Variants in NPRL3 observed in about 807,000 individuals in gnomAD.
NPRL3 encodes the protein NPR3 like, GATOR1 complex subunit.
Under a neutral mutation model 57.2 loss-of-function variants are expected in NPRL3, and 23 were observed. That is an observed-to-expected ratio of 0.40 (90% CI 0.29 to 0.57). The LOEUF (loss-of-function observed/expected upper bound fraction) is 0.57, where lower values mean the gene tolerates loss of function less well. Among genes scored for constraint, NPRL3 ranks in the 20% least tolerant of loss-of-function variants. The probability of loss-of-function intolerance (pLI) is 0.42; values close to 1 mark genes in which losing one functional copy is unlikely to be tolerated. For missense variants in NPRL3, 691 were observed against 767.1 expected, an observed-to-expected ratio of 0.90 and a Z score of 1.17; for synonymous variants, 333 against 321.1, an observed-to-expected ratio of 1.04 and a Z score of -0.39.
At chr16:91,651 G>A (rs116215703) in intron 11 of NPRL3, among the ~76,000 whole-genome samples, 1,583 of 152,322 alleles carry the variant, frequency 0.01, 32 homozygotes, top group African/African-American at 0.035. Context: ...GTGAAAGACC[G>A]CACTGAGAGC....
intron 7 of NPRL3, among the ~76,000 whole-genome samples, chr16:105,140 C>T (rs949297851): frequency 6.6e-6 from 1 of 152,206 alleles, no homozygotes; most frequent in Non-Finnish European, 1.5e-5. Flanking sequence ...CCAGCCCAGT[C>T]TGTGACAGGA....
intron 2 of NPRL3, among the ~76,000 whole-genome samples, chr16:137,421 G>A (rs182917710): frequency 3.0e-4 from 46 of 152,326 alleles, no homozygotes; most frequent in Admixed American, 8.5e-4. Flanking sequence ...AAAACCTCAC[G>A]CGACGTTCCC....
chr16:135,692 G>A (rs1596545065), intron 2 of NPRL3, among the ~76,000 whole-genome samples: 1 of 150,702 alleles, frequency 6.6e-6, no homozygotes, highest in Admixed American at 6.6e-5. Flanking sequence ...TAATTTTGGA[G>A]AGCAAAACGC....
intron 7 of NPRL3, among the ~76,000 whole-genome samples, chr16:106,753 C>T (rs1013264202): frequency 2.6e-5 from 4 of 152,094 alleles, no homozygotes; most frequent in African/African-American, 9.7e-5. Context: ...TGAGATTCCC[C>T]CAGATCTGGC....
intron 11 of NPRL3, among the ~76,000 whole-genome samples, chr16:92,294 G>T (rs971365235): frequency 3.3e-5 from 5 of 152,150 alleles, no homozygotes; most frequent in African/African-American, 1.2e-4. Context: ...GCCCAGAAAA[G>T]GTAAGCACTC....
At chr16:122,665 T>C (rs1900332607) in intron 3 of NPRL3, among the ~76,000 whole-genome samples, 1 of 152,154 alleles carries the variant, frequency 6.6e-6, no homozygotes, top group Non-Finnish European at 1.5e-5. Context: ...GAAAAACACA[T>C]TTAGGAAGAT....
At chr16:102,554 T>C (rs551494812) in intron 7 of NPRL3, among the ~76,000 whole-genome samples, 11 of 152,330 alleles carry the variant, frequency 7.2e-5, no homozygotes, top group Non-Finnish European at 1.2e-4. Flanking sequence ...CGCATCATGT[T>C]TCCTCTGTTC....
intron 5 of NPRL3, among the ~76,000 whole-genome samples, chr16:116,202 G>C (rs1052482162): frequency 3.3e-5 from 5 of 152,088 alleles, no homozygotes; most frequent in Non-Finnish European, 5.9e-5. Flanking sequence ...GTGAGGGCCT[G>C]CCTACAGCAT....
In NPRL3 at chr16:130,673, C is replaced by G. The variant is rs920611820; in HGVS notation, c.119-82G>C. The G allele has an allele frequency of 8.3e-6, 11 of 1,330,008 alleles. No homozygotes were observed. In the African/African-American group the frequency reaches 1.5e-4, roughly 18 times the overall value. 82.4% of individuals were successfully genotyped at this position (1,330,008 alleles called of 1,614,324 possible). ...GGAGGGTTATGGAACCGTTAACAGC[C>G]ATGTTTTCCAAAACATGCTCTGTCC... On this transcript the variant is annotated intron_variant, in intron 2 of 13. Coordinates refer to ENST00000611875, the MANE Select transcript of NPRL3 (RefSeq NM_001077350.3).
At chr16:86,896 C>T (rs1898500473) in intron 13 of NPRL3, 26 bp from the exon 14 acceptor site, 1 of 1,603,218 alleles carries the variant, frequency 6.2e-7, no homozygotes, top group Non-Finnish European at 8.5e-7. Context: ...GGGTGTGAGC[C>T]CAACCTGACA....
intron 11 of NPRL3, chr16:90,649 A>C (rs2141904026): frequency 6.6e-6 from 1 of 152,438 alleles, no homozygotes; most frequent in African/African-American, 2.4e-5. Flanking sequence ...AGTGTGAGAC[A>C]CATCAGTGTC....
At chr16:116,604 T>C (rs1410596602) in intron 5 of NPRL3, among the ~76,000 whole-genome samples, 1 of 152,056 alleles carries the variant, frequency 6.6e-6, no homozygotes, top group African/African-American at 2.4e-5. Context: ...GGAAGACCAT[T>C]TGAGACCAGG....
At chr16:132,168 C>T (rs926754201) in intron 2 of NPRL3, among the ~76,000 whole-genome samples, 10 of 151,888 alleles carry the variant, frequency 6.6e-5, no homozygotes, top group East Asian at 1.9e-4. Context: ...CACCCATGTC[C>T]GGCTAGTTTT....
Position 123,130 on chromosome 16 carries a change from C to T in NPRL3, c.189-3875G>A, listed in dbSNP as rs149472925. Among the ~76,000 whole-genome samples, 1,064 of 152,270 alleles carry T rather than the reference C, an allele frequency of 7.0e-3. 13 individuals are homozygous for T. Among genetic ancestry groups the T allele is most frequent in the African/African-American group, 0.024 (1,017 of 41,534 alleles). ...AAAACAAGGAGCAACAGTCACAGGTCTCTCTAGGGCGGCAGTGGACTAGGG... is the reference window on the plus strand; with the variant it reads ...AAAACAAGGAGCAACAGTCACAGGTTTCTCTAGGGCGGCAGTGGACTAGGG... On this transcript the variant is annotated intron_variant, in intron 3 of 13. Coordinates refer to ENST00000611875, the MANE Select transcript of NPRL3 (RefSeq NM_001077350.3).
intron 2 of NPRL3, among the ~76,000 whole-genome samples, chr16:133,481 C>T (rs148351691): frequency 6.6e-6 from 1 of 152,092 alleles, no homozygotes; most frequent in Non-Finnish European, 1.5e-5. Flanking sequence ...CCGCCCGCCT[C>T]GGCTTCCCAA....
intron 6 of NPRL3, 29 bp from the exon 7 acceptor site, chr16:110,635 G>C (rs1273492408): frequency 6.4e-7 from 1 of 1,568,622 alleles, no homozygotes; most frequent in Non-Finnish European, 8.7e-7. Flanking sequence ...AAGATTTACA[G>C]CTCCCGGGTT....
intron 9 of NPRL3, among the ~76,000 whole-genome samples, chr16:95,350 T>TACACACACACACACACACACACACACAC (rs142854412): frequency 4.5e-5 from 5 of 110,990 alleles, no homozygotes; most frequent in African/African-American, 1.8e-4. Flanking sequence ...TATATATATA[T>TACACACACACACACACACACACACACAC]ACACACACAC....
At chr16:108,699 C>A (rs1055490950) in intron 7 of NPRL3, among the ~76,000 whole-genome samples, 16 of 149,064 alleles carry the variant, frequency 1.1e-4, no homozygotes, top group African/African-American at 3.8e-4. Flanking sequence ...GAGATGACAT[C>A]TAGTTCTGTC....
rs184954461 is a variant in NPRL3 at position 94,017 on chromosome 16, G to T, written c.925-692C>A. ...ACAGTGCTGGCCCAGCTGGGCAGGGGGCTTAGCTGGATGTCCTGGCAGGGG... is the reference window on the plus strand; with the variant it reads ...ACAGTGCTGGCCCAGCTGGGCAGGGTGCTTAGCTGGATGTCCTGGCAGGGG... On this transcript the variant is annotated intron_variant, in intron 9 of 13. Transcript: ENST00000611875. 1.3e-3 allele frequency among the ~76,000 whole-genome samples: 195 copies of T among 152,218 alleles called. 1 individual carries two copies. Among genetic ancestry groups the T allele is most frequent in the African/African-American group, 4.5e-3 (188 of 41,530 alleles).
Sources: gnomAD v4.1 joint callset for allele counts (sites outside exome capture counted in the v4.1 genomes callset) on GRCh38, gnomAD v4.1.1 for gene constraint, MANE v1.5 for transcripts, NCBI Gene and HGNC (gene_info 2026-07-23, HGNC 2026-07-21) for gene names.